Variants in KIT observed in about 807,000 individuals in gnomAD.
KIT encodes mast/stem cell growth factor receptor Kit.
A neutral mutation model predicts 105.7 loss-of-function variants in KIT; 16 were observed. That is an observed-to-expected ratio of 0.15 (90% CI 0.10 to 0.23). The LOEUF is 0.23. KIT is among the 10% of genes least tolerant of loss of function. The pLI is 1.00. For synonymous variants in KIT, 438 were observed against 441.1 expected (o/e 0.99, Z 0.09); for missense variants, 858 against 1,213.8 (o/e 0.71, Z 4.36).
chr4:54,724,544 A>G (rs1722097683), intron 8 of KIT, among the ~76,000 whole-genome samples: 1 of 152,134 alleles, frequency 6.6e-6, no homozygotes, highest in East Asian at 1.9e-4. Context: ...CCCTGTAGTT[A>G]CAGGCATTCA....
At chr4:54,679,921 AAT>A (rs1331144012) in intron 1 of KIT, among the ~76,000 whole-genome samples, 2 of 152,216 alleles carry the variant, frequency 1.3e-5, no homozygotes, top group African/African-American at 4.8e-5. Flanking sequence ...CAAAAGGACA[AAT>A]AGTGTGTGAT....
intron 1 of KIT, among the ~76,000 whole-genome samples, chr4:54,682,504 C>G (rs1312586368): frequency 6.6e-6 from 1 of 151,950 alleles, no homozygotes; most frequent in Non-Finnish European, 1.5e-5. Flanking sequence ...TCTTGGCTCA[C>G]TGTAACCTCC....
intron 1 of KIT, among the ~76,000 whole-genome samples, chr4:54,685,127 A>C (rs1278763086): frequency 1.3e-5 from 2 of 151,854 alleles, no homozygotes; most frequent in African/African-American, 4.8e-5. Flanking sequence ...TCTCTATCCT[A>C]CTTCAGCCAC....
At chr4:54,677,125 G>T (rs867482613) in intron 1 of KIT, among the ~76,000 whole-genome samples, 1 of 152,276 alleles carries the variant, frequency 6.6e-6, no homozygotes, top group Middle Eastern at 3.4e-3. Context: ...CACACAGCAA[G>T]CTTTATTATT....
intron 7 of KIT, among the ~76,000 whole-genome samples, chr4:54,723,316 C>G (rs535132005): frequency 3.9e-5 from 6 of 152,278 alleles, no homozygotes; most frequent in African/African-American, 1.2e-4. Context: ...TCCCTGAAAG[C>G]AGAAACCCTG....
chr4:54,710,751 A>C (rs1476109183), intron 7 of KIT, among the ~76,000 whole-genome samples: 1 of 152,184 alleles, frequency 6.6e-6, no homozygotes, highest in African/African-American at 2.4e-5. Context: ...CATGTTGGCC[A>C]GGATGGTCTT....
chr4:54,680,961 G>A (rs1577932022), intron 1 of KIT, among the ~76,000 whole-genome samples: 1 of 152,070 alleles, frequency 6.6e-6, no homozygotes, highest in South Asian at 2.1e-4. Context: ...TCTGCTCGGA[G>A]GTGAGACTGC....
At chr4:54,688,540 CA>C (rs1719476699) in intron 1 of KIT, among the ~76,000 whole-genome samples, 1 of 152,170 alleles carries the variant, frequency 6.6e-6, no homozygotes, top group African/African-American at 2.4e-5. Context: ...CCGCAGCTAT[CA>C]ATCCAGTTGT....
intron 2 of KIT, among the ~76,000 whole-genome samples, chr4:54,698,024 A>G (rs1373929403): frequency 1.3e-5 from 2 of 152,198 alleles, no homozygotes; most frequent in Non-Finnish European, 2.9e-5. Context: ...TAATAATAGT[A>G]CTGATCATGG....
Position 54,740,309 on chromosome 4 carries a change from T to TCC in KIT, c.*1753_*1754dup. The stretch of plus-strand genomic sequence containing the variant: ...GTTTGCCATACTTTGTCTGAAAAAT[T>TCC]CCTTTGTGTTTCTATTGACTTCAAT... On this transcript the variant is annotated 3_prime_UTR_variant, in exon 21 of 21. Transcript: ENST00000288135. 1 of 233,592 alleles carries TCC rather than the reference T, an allele frequency of 4.3e-6. No homozygotes were observed. The highest frequency in any genetic ancestry group is 2.2e-5 in the African/African-American group (1 of 45,476). The allele number at this position is 233,592 out of a possible 1,614,324, so 14.5% of individuals were successfully genotyped here.
intron 1 of KIT, among the ~76,000 whole-genome samples, chr4:54,670,031 C>T (rs551836354): frequency 3.9e-5 from 6 of 152,280 alleles, no homozygotes; most frequent in African/African-American, 1.4e-4. Flanking sequence ...GCCCCAGTTT[C>T]TGTAACTTCA....
intron 1 of KIT, among the ~76,000 whole-genome samples, chr4:54,666,351 C>A (rs1478068758): frequency 6.6e-6 from 1 of 152,132 alleles, no homozygotes; most frequent in South Asian, 2.1e-4. Context: ...GTGATCTCCG[C>A]TCACTGCAGC....
intron 19 of KIT, 28 bp downstream of exon 19, chr4:54,736,848 G>C: frequency 6.4e-7 from 1 of 1,556,350 alleles, no homozygotes; most frequent in Non-Finnish European, 8.9e-7. Context: ...TTTCCTTTAG[G>C]TCACGTTTTC....
At position 54,727,494 on chromosome 4, in the gene KIT, C is replaced by T. The variant is rs1313877141; in HGVS notation, c.1726C>T (p.Leu576Phe). 1.9e-6 allele frequency: 3 copies of T among 1,614,112 alleles called. No individual in the cohort carries two copies. Among genetic ancestry groups the T allele is most frequent in the Non-Finnish European group, 2.5e-6 (3 of 1,179,996 alleles). Reference protein sequence around the residue: ...NNYVYIDPTQLPYDHKWEFPR... With the variant: ...NNYVYIDPTQFPYDHKWEFPR... Reference sequence around the variant, plus strand: ...TTATGTTTACATAGACCCAACACAACTTCCTTATGATCACAAATGGGAGTT... The same window carrying T: ...TTATGTTTACATAGACCCAACACAATTTCCTTATGATCACAAATGGGAGTT... Residue 576 changes from leucine (L) to phenylalanine (F), a missense_variant, in exon 11 of 21, where the codon CTT becomes TTT. Physicochemically the swap from Leu to Phe is conservative, Grantham distance 22. Transcript: ENST00000288135.
intron 1 of KIT, among the ~76,000 whole-genome samples, chr4:54,688,309 T>C (rs1270374394): frequency 6.6e-6 from 1 of 152,178 alleles, no homozygotes; most frequent in Non-Finnish European, 1.5e-5. Flanking sequence ...TACAAATCAT[T>C]AGCTTTTTTA....
At chr4:54,706,807 A>C (rs1340283159) in intron 5 of KIT, among the ~76,000 whole-genome samples, 1 of 152,180 alleles carries the variant, frequency 6.6e-6, no homozygotes, top group Non-Finnish European at 1.5e-5. Flanking sequence ...AACCTAATAA[A>C]CATCAAGACT....
rs56411694 is a variant in KIT, at chr4:54,695,696, G to A, written c.252G>A (p.Thr84=). The A allele has an allele frequency of 6.1e-5, 98 of 1,614,182 alleles. No homozygotes were observed. Among genetic ancestry groups the A allele is most frequent in the East Asian group, 2.0e-4 (9 of 44,884 alleles). Residue 84 remains threonine, a synonymous_variant, in exon 2 of 21, where the codon ACG becomes ACA. Coordinates refer to ENST00000288135, the MANE Select transcript of KIT (RefSeq NM_000222.3). ...AGAATAAGCAGAATGAATGGATCAC[G>A]GAAAAGGCAGAAGCCACCAACACCG... ...TNENKQNEWI[T]EKAEATNTGK... is the part of the protein sequence containing the mutation.
At chr4:54,704,222 GATGTAGA>G (rs1720641625) in intron 5 of KIT, among the ~76,000 whole-genome samples, 1 of 152,224 alleles carries the variant, frequency 6.6e-6, no homozygotes, top group South Asian at 2.1e-4. Context: ...TTTGGAAATG[GATGTAGA>G]ATTTATCAAG....
chr4:54,678,502 A>G (rs1718680348), intron 1 of KIT, among the ~76,000 whole-genome samples: 1 of 152,022 alleles, frequency 6.6e-6, no homozygotes, highest in South Asian at 2.1e-4. Context: ...TTGAGTATAA[A>G]GCATTTAAAG....
Sources: gnomAD v4.1 joint callset for allele counts (sites outside exome capture counted in the v4.1 genomes callset) on GRCh38, gnomAD v4.1.1 for gene constraint, MANE v1.5 for transcripts, NCBI Gene and HGNC (gene_info 2026-07-23, HGNC 2026-07-21) for gene names.